Variants in DAB2IP observed in about 807,000 individuals in gnomAD.
DAB2IP encodes the protein disabled homolog 2-interacting protein.
In DAB2IP, 28 loss-of-function variants were observed where a neutral mutation model predicts 107.2. The ratio of observed to expected loss-of-function variants is 0.26; its 90% CI spans 0.19 to 0.36. The LOEUF (loss-of-function observed/expected upper bound fraction) is 0.36. DAB2IP is among the 10% of genes least tolerant of loss of function. The pLI is 1.00. For missense variants in DAB2IP, 1,400 were observed against 1,644.7 expected (o/e 0.85, Z 2.57); for synonymous variants, 755 against 706.4 (o/e 1.07, Z -1.09).
intron 2 of DAB2IP, among the ~76,000 whole-genome samples, chr9:121,694,545 A>T (rs530578205): frequency 6.6e-6 from 1 of 152,206 alleles, no homozygotes; most frequent in African/African-American, 2.4e-5. Context: ...GTCGTTCAGG[A>T]CCTTCTGGAG....
At chr9:121,642,229 C>T (rs1482753194) in intron 1 of DAB2IP, among the ~76,000 whole-genome samples, 1 of 151,126 alleles carries the variant, frequency 6.6e-6, no homozygotes, top group African/African-American at 2.4e-5. Context: ...TACAGGCACA[C>T]ACCACCATGC....
At chr9:121,621,103 C>T (rs1220170813) in intron 1 of DAB2IP, among the ~76,000 whole-genome samples, 2 of 152,110 alleles carry the variant, frequency 1.3e-5, no homozygotes, top group Admixed American at 1.3e-4. Context: ...CTTTTTCCTA[C>T]CTGCAAGTCT....
chr9:121,629,499 CG>C (rs1367454599), intron 1 of DAB2IP, among the ~76,000 whole-genome samples: 3 of 152,146 alleles, frequency 2.0e-5, no homozygotes, highest in African/African-American at 7.2e-5. Flanking sequence ...GCGGGCTGGC[CG>C]GGCAGGCGCC....
In DAB2IP at chr9:121,699,139, CCGGGCCGTCGGCGCTCGGTCGGCGGG is replaced by C. The variant is rs1411504632; in HGVS notation, c.229-180_229-155del. 1.4e-3 allele frequency among the ~76,000 whole-genome samples: 199 copies of C among 145,514 alleles called. No homozygotes were observed. The highest frequency in any genetic ancestry group is 4.8e-3 in the African/African-American group (194 of 40,654). ...GGTGGGCTGGGCCGCGCTGCGCGGG[CCGGGCCGTCGGCGCTCGGTCGGCGGG>C]CGGGCGGCGCGGGCCGCGAGCTGCT... is the stretch of plus-strand genomic sequence containing the variant. On this transcript the variant is annotated intron_variant, in intron 2 of 15. Transcript: ENST00000408936. The surrounding 1 kb of genome is among the most constrained non-coding windows in gnomAD (Gnocchi z 6.2).
At chr9:121,783,124 TACCC>T in exon 16 of DAB2IP, 2 of 889,004 alleles carry the variant, frequency 2.2e-6, no homozygotes, top group Non-Finnish European at 2.8e-6. Context: ...TGAGGATTCC[TACCC>T]ACCCACCCCC....
intron 3 of DAB2IP, among the ~76,000 whole-genome samples, chr9:121,708,985 C>T (rs1830194751): frequency 6.6e-6 from 1 of 152,164 alleles, no homozygotes; most frequent in African/African-American, 2.4e-5. Flanking sequence ...GTGAGGTGGG[C>T]AGCTGGAATC....
At chr9:121,663,969 C>A (rs748688780) in intron 1 of DAB2IP, among the ~76,000 whole-genome samples, 1 of 152,132 alleles carries the variant, frequency 6.6e-6, no homozygotes, top group African/African-American at 2.4e-5. Context: ...CAGTTTCCTC[C>A]GATTAAAGGT....
At chr9:121,665,951 G>A (rs1833401559) in intron 1 of DAB2IP, among the ~76,000 whole-genome samples, 1 of 152,180 alleles carries the variant, frequency 6.6e-6, no homozygotes, top group Non-Finnish European at 1.5e-5. Context: ...TAGTGCCTGT[G>A]GCTGCTGTAA....
chr9:121,569,808 G>A (rs1323337841), intron 1 of DAB2IP, among the ~76,000 whole-genome samples: 1 of 152,230 alleles, frequency 6.6e-6, no homozygotes, highest in African/African-American at 2.4e-5. Context: ...GCGACAGAGA[G>A]CGAGATGCCA....
intron 3 of DAB2IP, among the ~76,000 whole-genome samples, chr9:121,755,896 C>T (rs1833444532): frequency 1.3e-5 from 2 of 152,082 alleles, no homozygotes; most frequent in South Asian, 2.1e-4. Context: ...CTTGGTTTGG[C>T]GAGGCAGGGA....
intron 13 of DAB2IP, among the ~76,000 whole-genome samples, chr9:121,775,234 A>G (rs1310444785): frequency 6.6e-6 from 1 of 152,190 alleles, no homozygotes; most frequent in African/African-American, 2.4e-5. Flanking sequence ...GCTGGGCCCC[A>G]GGAAAGCCTG....
chr9:121,731,518 T>C (rs558766820), intron 3 of DAB2IP, among the ~76,000 whole-genome samples: 2 of 152,362 alleles, frequency 1.3e-5, no homozygotes, highest in South Asian at 2.1e-4. Flanking sequence ...TGTCTTGTTA[T>C]AGAATTGCTG....
At chr9:121,569,266 T>C (rs1360248596) in intron 1 of DAB2IP, among the ~76,000 whole-genome samples, 2 of 152,194 alleles carry the variant, frequency 1.3e-5, no homozygotes, top group African/African-American at 2.4e-5. Flanking sequence ...TACTTTCAGG[T>C]TCTGGACTGG....
intron 1 of DAB2IP, among the ~76,000 whole-genome samples, chr9:121,609,077 G>C (rs752022404): frequency 3.9e-5 from 6 of 152,194 alleles, no homozygotes; most frequent in Non-Finnish European, 8.8e-5. Flanking sequence ...TGGTAGCTGG[G>C]ACTACAGGTG....
intron 1 of DAB2IP, among the ~76,000 whole-genome samples, chr9:121,590,134 G>A (rs1289172873): frequency 6.6e-6 from 1 of 151,752 alleles, no homozygotes; most frequent in Non-Finnish European, 1.5e-5. Context: ...TCCATGCATA[G>A]TGTCTGACAT....
At chr9:121,783,331 G>C (rs901222078) in exon 16 of DAB2IP, 50 of 1,437,778 alleles carry the variant, frequency 3.5e-5, no homozygotes, top group Non-Finnish European at 4.5e-5. Flanking sequence ...GATCTGGGCG[G>C]ATCTGGCCAG....
intron 3 of DAB2IP, among the ~76,000 whole-genome samples, chr9:121,703,932 A>G (rs967467815): frequency 2.6e-5 from 4 of 152,172 alleles, no homozygotes; most frequent in African/African-American, 9.7e-5. Context: ...AGAAACAGCC[A>G]TTATTACCTA....
At chr9:121,630,738 G>A (rs956552647) in intron 1 of DAB2IP, among the ~76,000 whole-genome samples, 1 of 151,836 alleles carries the variant, frequency 6.6e-6, no homozygotes, top group Non-Finnish European at 1.5e-5. Context: ...CTCCCGAGTC[G>A]CTGGGATTAC....
chr9:121,696,397 G>T (rs1171456156), intron 2 of DAB2IP, among the ~76,000 whole-genome samples: 1 of 152,210 alleles, frequency 6.6e-6, no homozygotes, highest in Non-Finnish European at 1.5e-5. Context: ...TCAATTAAAG[G>T]TTGTCTTGGG....
Sources: gnomAD v4.1 joint callset for allele counts (sites outside exome capture counted in the v4.1 genomes callset) on GRCh38, gnomAD v4.1.1 for gene constraint, Gnocchi (gnomAD v3.1) non-coding constraint, MANE v1.5 for transcripts, NCBI Gene and HGNC (gene_info 2026-07-23, HGNC 2026-07-21) for gene names.